NBEA: variants seen among roughly 807,000 people sequenced by gnomAD.
NBEA encodes the protein lysosomal-trafficking regulator 2.
Under a neutral mutation model 343.4 loss-of-function variants are expected in NBEA, and 44 were observed. That is an observed-to-expected ratio of 0.13 (90% confidence interval 0.10 to 0.16). The LOEUF (loss-of-function observed/expected upper bound fraction) is 0.16. Ranked by LOEUF, NBEA falls within the 10% of genes least tolerant of loss-of-function variation. NBEA has a pLI of 1.00. For synonymous variants in NBEA, 1,175 were observed against 1,238.7 expected (o/e 0.95, Z 1.08); for missense variants, 2,555 against 3,631.3 (o/e 0.70, Z 7.62).
chr13:35,213,178 G>A (rs1280665443), intron 33 of NBEA, among the ~76,000 whole-genome samples: 1 of 152,016 alleles, frequency 6.6e-6, no homozygotes, highest in African/African-American at 2.4e-5. Context: ...TGAGGTAGGA[G>A]TAATAGGTAT....
At chr13:35,513,052 C>A (rs1039394106) in intron 41 of NBEA, among the ~76,000 whole-genome samples, 8 of 151,542 alleles carry the variant, frequency 5.3e-5, no homozygotes, top group African/African-American at 1.9e-4. Flanking sequence ...TTATTTCTAG[C>A]TTTAGTATTA....
chr13:35,549,347 A>G (rs1411470907), intron 41 of NBEA, among the ~76,000 whole-genome samples: 1 of 152,204 alleles, frequency 6.6e-6, no homozygotes, highest in Non-Finnish European at 1.5e-5. Context: ...AATGAATATA[A>G]TGTATGTAAA....
intron 1 of NBEA, among the ~76,000 whole-genome samples, chr13:34,979,331 C>G (rs997686858): frequency 1.3e-5 from 2 of 152,076 alleles, no homozygotes; most frequent in Non-Finnish European, 2.9e-5. Context: ...ACCAGTCTGG[C>G]CAACATGGTG....
At chr13:35,658,558 C>G (rs2084925735) in intron 55 of NBEA, among the ~76,000 whole-genome samples, 1 of 152,152 alleles carries the variant, frequency 6.6e-6, no homozygotes, top group Admixed American at 6.5e-5. Context: ...TTACAAGAAT[C>G]TACTTTTATA....
At chr13:35,419,400 G>A (rs908909263) in intron 38 of NBEA, among the ~76,000 whole-genome samples, 10 of 151,956 alleles carry the variant, frequency 6.6e-5, no homozygotes, top group African/African-American at 1.9e-4. Context: ...ATTCACAAGC[G>A]CTTTTCTTTC....
At chr13:35,252,371 A>G (rs576601201) in intron 34 of NBEA, among the ~76,000 whole-genome samples, 2 of 152,272 alleles carry the variant, frequency 1.3e-5, no homozygotes, top group South Asian at 4.1e-4. Flanking sequence ...GATTATGAGG[A>G]TTACAATTCA....
chr13:35,019,303 T>C (rs1010403645), intron 1 of NBEA, among the ~76,000 whole-genome samples: 2 of 151,680 alleles, frequency 1.3e-5, no homozygotes, highest in Non-Finnish European at 2.9e-5. Context: ...TTTTGTTTTT[T>C]GTTTTTTTTT....
At chr13:35,269,924 A>G (rs1453569448) in intron 34 of NBEA, among the ~76,000 whole-genome samples, 5 of 152,196 alleles carry the variant, frequency 3.3e-5, no homozygotes, top group Non-Finnish European at 5.9e-5. Context: ...GATAAATTAT[A>G]GGCTAGGAAT....
intron 36 of NBEA, among the ~76,000 whole-genome samples, chr13:35,312,149 A>G (rs577763884): frequency 2.4e-4 from 36 of 152,212 alleles, no homozygotes; most frequent in Admixed American, 7.2e-4. Flanking sequence ...GGGAAAGGCA[A>G]ACATTAGATG....
intron 30 of NBEA, among the ~76,000 whole-genome samples, chr13:35,188,982 C>T (rs1182745955): frequency 2.8e-5 from 4 of 142,512 alleles, no homozygotes; most frequent in Admixed American, 7.5e-5. Flanking sequence ...TGCAGTGGTG[C>T]GATCCTGGCT....
At chr13:35,513,206 G>A (rs190418236) in intron 41 of NBEA, among the ~76,000 whole-genome samples, 309 of 148,806 alleles carry the variant, frequency 2.1e-3, no homozygotes, top group East Asian at 0.013. Context: ...GCGCAACCTC[G>A]GCTCGCTGCA....
chr13:35,597,467 T>A (rs2081859325), intron 47 of NBEA, among the ~76,000 whole-genome samples: 1 of 152,160 alleles, frequency 6.6e-6, no homozygotes, highest in Non-Finnish European at 1.5e-5. Context: ...AAGCATGCAA[T>A]CTAGTGTCTA....
At chr13:35,124,116 T>G (rs2066942462) in intron 17 of NBEA, among the ~76,000 whole-genome samples, 1 of 152,032 alleles carries the variant, frequency 6.6e-6, no homozygotes, top group African/African-American at 2.4e-5. Context: ...GCTTAATGAT[T>G]GCAATTCATG....
intron 45 of NBEA, among the ~76,000 whole-genome samples, chr13:35,568,933 CAA>C (rs2080264462): frequency 6.6e-6 from 1 of 152,172 alleles, no homozygotes; most frequent in South Asian, 2.1e-4. Context: ...GAGCTTTAGA[CAA>C]GAGTATTAGT....
At chr13:35,232,460 AT>A in intron 33 of NBEA, 31 bp from the exon 34 acceptor site, 1 of 1,365,978 alleles carries the variant, frequency 7.3e-7, no homozygotes, top group Non-Finnish European at 1.0e-6. Flanking sequence ...ATTGAATTAT[AT>A]TTATTAGTTT....
At chr13:35,066,666 T>C in intron 8 of NBEA, among the ~76,000 whole-genome samples, 1 of 152,166 alleles carries the variant, frequency 6.6e-6, no homozygotes. Context: ...AAATATGTTT[T>C]TATCTTTGAA....
At chr13:35,081,962 A>G (rs2064429675) in intron 10 of NBEA, among the ~76,000 whole-genome samples, 1 of 152,124 alleles carries the variant, frequency 6.6e-6, no homozygotes, top group South Asian at 2.1e-4. Context: ...ACATGTGCAC[A>G]AAGTGCAGGT....
chr13:35,187,004 G>C (rs2071766713), intron 30 of NBEA, among the ~76,000 whole-genome samples: 1 of 151,930 alleles, frequency 6.6e-6, no homozygotes, highest in African/African-American at 2.4e-5. Flanking sequence ...AGTTTTAAAA[G>C]TTTAAACTTT....
At chr13:35,590,755 C>A (rs1364464686) in intron 46 of NBEA, among the ~76,000 whole-genome samples, 3 of 152,056 alleles carry the variant, frequency 2.0e-5, no homozygotes, top group Non-Finnish European at 2.9e-5. Flanking sequence ...AAATTAAATG[C>A]CTTACATCAG....
Sources: allele counts gnomAD v4.1 joint callset (sites outside exome capture counted in the v4.1 genomes callset), GRCh38; gene constraint gnomAD v4.1.1; transcripts MANE v1.5; gene names NCBI Gene and HGNC (gene_info 2026-07-23, HGNC 2026-07-21).